RETSAT: variants seen among roughly 807,000 people sequenced by gnomAD.
RETSAT encodes all-trans-retinol 13,14-reductase.
A neutral mutation model predicts 61.6 loss-of-function variants in RETSAT; 35 were observed. The observed-to-expected ratio is 0.57, with a 90% CI of 0.43 to 0.75. The LOEUF (loss-of-function observed/expected upper bound fraction) is 0.75. Among genes scored for constraint, RETSAT ranks in the 30% least tolerant of loss-of-function variants. The pLI, the probability that RETSAT is intolerant of heterozygous loss-of-function variation, is 0.00. For missense variants in RETSAT, 670 were observed against 759.5 expected (o/e 0.88, Z 1.38); for synonymous variants, 277 against 310.4 (o/e 0.89, Z 1.13).
intron 2 of RETSAT, 124 bp from the exon 3 acceptor site, chr2:85,351,145 C>T: frequency 2.6e-6 from 3 of 1,153,626 alleles, no homozygotes; most frequent in Non-Finnish European, 3.7e-6. Flanking sequence ...GAGTGAGCTG[C>T]TCACTCTGTC....
chr2:85,347,659 C>T (rs144377499), intron 5 of RETSAT, among the ~76,000 whole-genome samples: 1,904 of 152,354 alleles, frequency 0.012, 47 homozygotes, highest in African/African-American at 0.043. Flanking sequence ...TGAGCCACTG[C>T]GCCCGGCCTC....
chr2:85,351,495 C>T (rs979505563), intron 2 of RETSAT, 185 bp downstream of exon 2: 1 of 598,772 alleles, frequency 1.7e-6, no homozygotes, highest in Non-Finnish European at 2.9e-6. Context: ...GCTGGGATCA[C>T]ACCACTGCGC....
At position 85,350,959 on chromosome 2, in the gene RETSAT, T is replaced by C; in HGVS notation, c.418A>G (p.Thr140Ala). ...SIGRFILDQI[T>A]EGQLDWAPLS... is the part of the protein sequence containing the mutation. ...GGAGCCCAGTCCAGCTGCCCTTCAGTGATCTGGTCCAAGATAAAACGGCCA... is the reference window on the plus strand; with the variant it reads ...GGAGCCCAGTCCAGCTGCCCTTCAGCGATCTGGTCCAAGATAAAACGGCCA... The change falls in exon 3 of 11, where the codon ACT (threonine) becomes GCT (alanine). Residue 140 changes from threonine to alanine, a missense_variant. Physicochemically the swap from Thr to Ala is moderately conservative, Grantham distance 58. Coordinates refer to ENST00000295802, the MANE Select transcript of RETSAT (RefSeq NM_017750.4). 6.2e-7 allele frequency: 1 copy of C among 1,614,152 alleles called. No homozygotes were observed. The highest frequency in any genetic ancestry group is 8.5e-7 in the Non-Finnish European group (1 of 1,180,026).
intron 5 of RETSAT, among the ~76,000 whole-genome samples, chr2:85,348,432 C>T (rs1157856922): frequency 2.0e-5 from 3 of 151,930 alleles, no homozygotes; most frequent in African/African-American, 7.2e-5. Context: ...AGATTGAGAC[C>T]ATCCTGGCTA....
chr2:85,347,315 C>T (rs1420012858), intron 5 of RETSAT, among the ~76,000 whole-genome samples: 5 of 152,108 alleles, frequency 3.3e-5, no homozygotes, highest in Admixed American at 2.0e-4. Context: ...CTGCAACCTC[C>T]GCCTCCCAGG....
chr2:85,351,209 A>T (rs559800703), intron 2 of RETSAT, among the ~76,000 whole-genome samples, 188 bp from the exon 3 acceptor site: 1 of 152,142 alleles, frequency 6.6e-6, no homozygotes, highest in Non-Finnish European at 1.5e-5. Flanking sequence ...TTCAACTCCC[A>T]GTAGCTATGC....
At chr2:85,349,727 C>G in intron 4 of RETSAT, 146 bp from the exon 5 acceptor site, 1 of 730,266 alleles carries the variant, frequency 1.4e-6, no homozygotes, top group Non-Finnish European at 2.3e-6. Context: ...CCAGAGGAGC[C>G]TTTCCATCTA....
chr2:85,343,768 T>C lies in RETSAT; in HGVS notation c.1564A>G (p.Thr522Ala). ...VESVTAGSPLTNQFYLAAPRG... is the reference protein window; with the variant it reads ...VESVTAGSPLANQFYLAAPRG... ...GGAGCAGCCAGATAGAACTGGTTGG[T>C]GAGTGGGGATCCTGCAGTCACACTC... The change falls in exon 10 of 11, where the codon ACC becomes GCC. Residue 522 changes from threonine to alanine, a missense_variant. Thr to Ala is a moderately conservative substitution (Grantham distance 58). Coordinates refer to ENST00000295802, the MANE Select transcript of RETSAT (RefSeq NM_017750.4). The C allele has an allele frequency of 3.1e-6, 5 of 1,613,844 alleles. No homozygotes were observed. Among genetic ancestry groups the C allele is most frequent in the Non-Finnish European group, 4.2e-6 (5 of 1,179,820 alleles).
chr2:85,352,472 G>A (rs1010521039), intron 1 of RETSAT, among the ~76,000 whole-genome samples: 19 of 151,930 alleles, frequency 1.3e-4, no homozygotes, highest in African/African-American at 4.6e-4. Context: ...GGATGGTCTC[G>A]ATCTCCTGAC....
chr2:85,353,164 T>C (rs546293610), intron 1 of RETSAT, among the ~76,000 whole-genome samples: 2 of 152,360 alleles, frequency 1.3e-5, no homozygotes, highest in African/African-American at 2.4e-5. Context: ...CATTCTAAAA[T>C]ACTAGTTGTG....
At chr2:85,353,657 C>A (rs1034276257) in intron 1 of RETSAT, among the ~76,000 whole-genome samples, 4 of 152,146 alleles carry the variant, frequency 2.6e-5, no homozygotes, top group Non-Finnish European at 5.9e-5. Context: ...AGTACTGTCT[C>A]CGATTGTGTA....
chr2:85,343,178 A>G lies in RETSAT; in HGVS notation c.*64T>C, dbSNP rs1325013288. The stretch of plus-strand genomic sequence containing the variant: ...CAAGGAACTAATGCAGAAAGACATT[A>G]TGGGTAAGTCAAGGGAGATGCCCCA... On this transcript the variant is annotated 3_prime_UTR_variant, in exon 11 of 11. Coordinates refer to ENST00000295802, the MANE Select transcript of RETSAT (RefSeq NM_017750.4). 9 of 1,590,888 alleles carry G rather than the reference A, an allele frequency of 5.7e-6. No homozygotes were observed. The East Asian group carries it at 1.8e-4, about 32-fold the overall frequency.
chr2:85,351,503 C>T lies in RETSAT; in HGVS notation c.355+177G>A, dbSNP rs188047153. ...ACAGTAAGCTGGGATCACACCACTG[C>T]GCTCCAGCCTGGGTGATGAAGTGAG... On this transcript the variant is annotated intron_variant, in intron 2 of 10. Coordinates refer to ENST00000295802, the MANE Select transcript of RETSAT (RefSeq NM_017750.4). 5.6e-4 allele frequency: 345 copies of T among 621,202 alleles called. 1 individual carries two copies. Among genetic ancestry groups the T allele is most frequent in the South Asian group, 2.7e-3 (122 of 44,540 alleles). 38.5% of individuals were successfully genotyped at this position (621,202 alleles called of 1,614,324 possible).
At chr2:85,350,332 A>C (rs149430742) in intron 3 of RETSAT, 91 bp from the exon 4 acceptor site, 10 of 926,680 alleles carry the variant, frequency 1.1e-5, no homozygotes, top group Non-Finnish European at 1.6e-5. Context: ...CCAAGAATCC[A>C]GCAACACTTA....
rs761592537 is a variant in RETSAT at position 85,343,623 on chromosome 2, G to T, written c.1693+16C>A. The stretch of plus-strand genomic sequence containing the variant: ...CCAGGGTCTCAGGTCCTGACAACAT[G>T]GGGCAGTGAGTATACCTGTCAGATA... On this transcript the variant is annotated intron_variant, in intron 10 of 10. Coordinates refer to ENST00000295802, the MANE Select transcript of RETSAT (RefSeq NM_017750.4). 2.5e-6 allele frequency: 4 copies of T among 1,613,898 alleles called. No individual in the cohort carries two copies. Among genetic ancestry groups the T allele is most frequent in the Non-Finnish European group, 3.4e-6 (4 of 1,179,778 alleles).
At chr2:85,350,435 G>A (rs1371364450) in intron 3 of RETSAT, among the ~76,000 whole-genome samples, 194 bp from the exon 4 acceptor site, 1 of 151,870 alleles carries the variant, frequency 6.6e-6, no homozygotes, top group Non-Finnish European at 1.5e-5. Context: ...TCCTTTTTTT[G>A]CTTTTAATTT....
chr2:85,353,311 G>C (rs933909980), intron 1 of RETSAT, among the ~76,000 whole-genome samples: 1 of 152,190 alleles, frequency 6.6e-6, no homozygotes, highest in Admixed American at 6.5e-5. Context: ...AAATTAGCTG[G>C]GCATGCCCAC....
rs370464576 is a variant in RETSAT at position 85,351,003 on chromosome 2, C to A, written c.374G>T (p.Arg125Leu). The A allele has an allele frequency of 6.2e-7, 1 of 1,614,082 alleles. No individual in the cohort carries two copies. ...ACGGCCAATGCTGCCCTCTTCCATACGCCCAATGTAATGGATTCCTGTTGG... is the reference window on the plus strand; with the variant it reads ...ACGGCCAATGCTGCCCTCTTCCATAAGCCCAATGTAATGGATTCCTGTTGG... ...EFDTGIHYIG[R>L]MEEGSIGRFI... is the part of the protein sequence containing the mutation. The change falls in exon 3 of 11, where the codon CGT becomes CTT. Residue 125 changes from arginine to leucine, a missense_variant. By Grantham distance (102) the Arg-to-Leu change is moderately radical. Coordinates refer to ENST00000295802, the MANE Select transcript of RETSAT (RefSeq NM_017750.4).
intron 5 of RETSAT, among the ~76,000 whole-genome samples, chr2:85,348,728 G>C (rs1683246035): frequency 6.6e-6 from 1 of 150,828 alleles, no homozygotes; most frequent in South Asian, 2.1e-4. Context: ...TGGGGACCAT[G>C]CAATCCTTTA....
Sources: gnomAD v4.1 joint callset for allele counts (sites outside exome capture counted in the v4.1 genomes callset) on GRCh38, gnomAD v4.1.1 for gene constraint, MANE v1.5 for transcripts, NCBI Gene and HGNC (gene_info 2026-07-23, HGNC 2026-07-21) for gene names.